Variants in MYO16 observed in about 807,000 individuals in gnomAD.
MYO16 encodes the protein myosin XVI.
Under a neutral mutation model 205.3 loss-of-function variants are expected in MYO16, and 94 were observed. The observed-to-expected ratio is 0.46, with a 90% CI of 0.39 to 0.54. MYO16 has a LOEUF of 0.54. MYO16 is among the 20% of genes least tolerant of loss of function. The pLI, the probability that MYO16 is intolerant of heterozygous loss-of-function variation, is 0.00. For missense variants in MYO16, 2,315 were observed against 2,387.5 expected (o/e 0.97, Z 0.63); for synonymous variants, 988 against 954.0 (o/e 1.04, Z -0.66).
chr13:108,651,136 AG>A (rs1439751266), intron 1 of MYO16, among the ~76,000 whole-genome samples: 8 of 152,240 alleles, frequency 5.3e-5, no homozygotes, highest in South Asian at 2.1e-4. Context: ...GGCTCTCCAG[AG>A]CCTGGATGTA....
Position 108,890,569 on chromosome 13 carries a change from AG to A in MYO16, c.1659+2096del, listed in dbSNP as rs1880124224. Among the ~76,000 whole-genome samples, 4 of 152,278 alleles carry A rather than the reference AG, an allele frequency of 2.6e-5. No homozygotes were observed. In the South Asian group the frequency reaches 6.2e-4, roughly 24 times the overall value. On this transcript the variant is annotated intron_variant, in intron 14 of 34. Transcript: ENST00000457511. Reference sequence around the variant, plus strand: ...CAGGCAGAAGGCTCATCATATGCAGAGGGGCTACCTGTCTTCTCATCACAGT... The same window carrying A: ...CAGGCAGAAGGCTCATCATATGCAGAGGGCTACCTGTCTTCTCATCACAGT...
At chr13:108,545,435 T>C in the MYO16 span, among the ~76,000 whole-genome samples, 1 of 152,200 alleles carries the variant, frequency 6.6e-6, no homozygotes, top group African/African-American at 2.4e-5. Flanking sequence ...TCCATGTCTT[T>C]GCTATTGTGA....
intron 32 of MYO16, among the ~76,000 whole-genome samples, chr13:109,153,584 C>T (rs1877806298): frequency 6.6e-6 from 1 of 152,070 alleles, no homozygotes; most frequent in Non-Finnish European, 1.5e-5. Flanking sequence ...CATGGTCAAA[C>T]CCCATCTCTA....
In MYO16 at chr13:108,682,149, G is replaced by A. The variant is rs140804421; in HGVS notation, c.292+16000G>A. 2.3e-3 allele frequency among the ~76,000 whole-genome samples: 350 copies of A among 152,274 alleles called. 1 individual carries two copies. Among genetic ancestry groups the A allele is most frequent in the African/African-American group, 7.8e-3 (322 of 41,544 alleles). ...CTCTTGGATACCACTGATATTATCC[G>A]TTCAGGGGATAGACATGCTAAACAT... is the stretch of plus-strand genomic sequence containing the variant. On this transcript the variant is annotated intron_variant, in intron 2 of 34. Transcript: ENST00000457511.
chr13:108,765,534 T>C (rs1885751364), intron 4 of MYO16, among the ~76,000 whole-genome samples: 1 of 152,132 alleles, frequency 6.6e-6, no homozygotes, highest in African/African-American at 2.4e-5. Flanking sequence ...TTCTCCTGGG[T>C]TTTTTACTCA....
chr13:108,966,263 A>G (rs1883790744), intron 20 of MYO16, among the ~76,000 whole-genome samples: 2 of 152,222 alleles, frequency 1.3e-5, no homozygotes, highest in African/African-American at 4.8e-5. Context: ...TGATTCACAG[A>G]ATGATACTAA....
In MYO16 at chr13:108,784,468, C is replaced by A. The variant is rs374646592; in HGVS notation, c.508-1167C>A. Among the ~76,000 whole-genome samples, 8 of 151,882 alleles carry A rather than the reference C, an allele frequency of 5.3e-5. No homozygotes were observed. The East Asian group carries it at 1.2e-3, about 22-fold the overall frequency. On this transcript the variant is annotated intron_variant, in intron 4 of 34. Coordinates refer to ENST00000457511, the MANE Select transcript of MYO16 (RefSeq NM_001198950.3). ...TATCTTGGGGGAAAATGTTAAGATA[C>A]GGAATATTTTACCACGTTAAGCTAC...
chr13:108,607,300 G>A (rs145532413), intron 1 of MYO16, among the ~76,000 whole-genome samples: 2 of 152,210 alleles, frequency 1.3e-5, no homozygotes, highest in African/African-American at 4.8e-5. Flanking sequence ...CATATGGTCT[G>A]GCTATGTGTC....
chr13:108,884,175 G>A (rs750778303), intron 13 of MYO16, among the ~76,000 whole-genome samples: 6 of 152,108 alleles, frequency 3.9e-5, no homozygotes, highest in Non-Finnish European at 7.4e-5. Context: ...AAATGAAAAT[G>A]GTATAAAGTT....
At chr13:108,785,366 T>C (rs950054870) in intron 4 of MYO16, among the ~76,000 whole-genome samples, 1 of 152,164 alleles carries the variant, frequency 6.6e-6, no homozygotes, top group African/African-American at 2.4e-5. Context: ...ACACTAGAGA[T>C]GCTGGGTTTA....
chr13:108,869,620 A>G (rs532424781), intron 12 of MYO16, among the ~76,000 whole-genome samples: 2 of 149,342 alleles, frequency 1.3e-5, no homozygotes, highest in East Asian at 2.0e-4. Context: ...AGTCCCAGCT[A>G]CTCGGGAGGC....
intron 31 of MYO16, among the ~76,000 whole-genome samples, chr13:109,136,058 CTTCCTTCCTTCCTTCCTTCT>C (rs1167393273): frequency 1.4e-5 from 2 of 147,878 alleles, no homozygotes; most frequent in East Asian, 3.9e-4. Flanking sequence ...TTTCTTTCTC[CTTCCTTCCTTCCTTCCTTCT>C]TTCCTTCCTT....
At chr13:108,499,395 A>C in the MYO16 span, among the ~76,000 whole-genome samples, 1 of 152,220 alleles carries the variant, frequency 6.6e-6, no homozygotes, top group Non-Finnish European at 1.5e-5. Context: ...GGCCTGTTCC[A>C]GGCCTGCGGA....
intron 32 of MYO16, among the ~76,000 whole-genome samples, chr13:109,151,817 G>C (rs891774806): frequency 1.3e-5 from 2 of 152,298 alleles, no homozygotes; most frequent in East Asian, 3.9e-4. Flanking sequence ...CACCATACAG[G>C]CCTTTCCATG....
At chr13:108,567,197 G>T in the MYO16 span, among the ~76,000 whole-genome samples, 1 of 152,076 alleles carries the variant, frequency 6.6e-6, no homozygotes, top group Non-Finnish European at 1.5e-5. Flanking sequence ...CGGAGATAAC[G>T]AAGTAAATAA....
At chr13:108,681,971 A>G (rs2139471271) in intron 2 of MYO16, among the ~76,000 whole-genome samples, 1 of 152,310 alleles carries the variant, frequency 6.6e-6, no homozygotes, top group East Asian at 1.9e-4. Flanking sequence ...CTCATCTGAG[A>G]ACTTGTTAGA....
chr13:109,004,425 C>G (rs1400282744), intron 21 of MYO16, among the ~76,000 whole-genome samples: 1 of 152,014 alleles, frequency 6.6e-6, no homozygotes, highest in Non-Finnish European at 1.5e-5. Flanking sequence ...TGGAGTTTAA[C>G]AAATTATTAA....
chr13:108,876,111 G>A (rs1009198956), intron 12 of MYO16, among the ~76,000 whole-genome samples: 1 of 145,914 alleles, frequency 6.9e-6, no homozygotes, highest in Non-Finnish European at 1.5e-5. Context: ...TGCTGGACAA[G>A]CTGGACTAAA....
At chr13:108,904,966 A>G (rs554766938) in intron 15 of MYO16, among the ~76,000 whole-genome samples, 2 of 152,320 alleles carry the variant, frequency 1.3e-5, no homozygotes, top group South Asian at 4.1e-4. Context: ...ATAAAGTAAA[A>G]TAATATACTG....
Sources: gnomAD v4.1 joint callset for allele counts (sites outside exome capture counted in the v4.1 genomes callset) on GRCh38, gnomAD v4.1.1 for gene constraint, MANE v1.5 for transcripts, NCBI Gene and HGNC (gene_info 2026-07-23, HGNC 2026-07-21) for gene names.